DYNC1H1: variants seen among roughly 807,000 people sequenced by gnomAD.
The protein encoded by DYNC1H1 is cytoplasmic dynein 1 heavy chain 1.
Under a neutral mutation model 527.1 loss-of-function variants are expected in DYNC1H1, and 51 were observed. That is an observed-to-expected ratio of 0.10 (90% CI 0.08 to 0.12). The LOEUF (loss-of-function observed/expected upper bound fraction) is 0.12. DYNC1H1 is among the 10% of genes least tolerant of loss of function. The pLI, the probability that DYNC1H1 is intolerant of heterozygous loss-of-function variation, is 1.00. For synonymous variants in DYNC1H1, 2,189 were observed against 2,278.8 expected (o/e 0.96, Z 1.12); for missense variants, 2,771 against 5,971.8 (o/e 0.46, Z 17.66).
Position 102,001,512 on chromosome 14 carries a change from G to T in DYNC1H1, c.4396-23G>T. The T allele has an allele frequency of 4.3e-6, 7 of 1,614,152 alleles. No homozygotes were observed. The highest frequency in any genetic ancestry group is 1.1e-5 in the South Asian group (1 of 91,078). The stretch of plus-strand genomic sequence containing the variant: ...GTGAATGCCCACATATTGATAACAT[G>T]CATCTTTCTGGTTTGAATTCAGATA... On this transcript the variant is annotated intron_variant, in intron 20 of 77. Transcript: ENST00000360184. The surrounding 1 kb of genome is among the most constrained non-coding windows in gnomAD (Gnocchi z 5.0).
At chr14:101,987,067 G>C (rs904301483) in intron 8 of DYNC1H1, among the ~76,000 whole-genome samples, 16 of 152,240 alleles carry the variant, frequency 1.1e-4, no homozygotes, top group African/African-American at 3.9e-4. Flanking sequence ...GCAGGCTCTA[G>C]GTCTCAGCCA....
chr14:102,012,066 C>T lies in DYNC1H1; in HGVS notation c.6810C>T (p.Pro2270=). Residue 2270 remains proline, a synonymous_variant, in exon 33 of 78, where the codon CCC becomes CCT. Transcript: ENST00000360184. This position sits in a 1 kb window ranked among gnomAD's most constrained non-coding sequence, Gnocchi z 4.9. ...SKDHLYGTLD[P]NTREWTDGLF... is the part of the protein sequence containing the mutation. ...ACCACCTCTACGGAACCCTGGACCC[C>T]AACACCAGGGAATGGACAGATGGGC... is the stretch of plus-strand genomic sequence containing the variant. 6.2e-7 allele frequency: 1 copy of T among 1,614,144 alleles called. No individual in the cohort carries two copies. The highest frequency in any genetic ancestry group is 8.5e-7 in the Non-Finnish European group (1 of 1,180,026).
intron 77 of DYNC1H1, 47 bp from the exon 78 acceptor site, chr14:102,050,388 T>C (rs1256207082): frequency 6.2e-7 from 1 of 1,614,146 alleles, no homozygotes; most frequent in African/African-American, 1.3e-5. Context: ...TCTTCCAGTT[T>C]TCTTACTTTT....
At chr14:101,984,290 C>T (rs1482851215) in intron 7 of DYNC1H1, among the ~76,000 whole-genome samples, 1 of 151,184 alleles carries the variant, frequency 6.6e-6, no homozygotes, top group Admixed American at 6.6e-5. Context: ...GCGCCCTGCC[C>T]GTATGCATTG....
Position 102,016,156 on chromosome 14 carries a change from T to C in DYNC1H1, c.7473+70T>C, listed in dbSNP as rs2048319569. 3 of 1,540,208 alleles carry C rather than the reference T, an allele frequency of 1.9e-6. No individual in the cohort carries two copies. On this transcript the variant is annotated intron_variant, in intron 36 of 77. Coordinates refer to ENST00000360184, the MANE Select transcript of DYNC1H1 (RefSeq NM_001376.5). This position sits in a 1 kb window ranked among gnomAD's most constrained non-coding sequence, Gnocchi z 7.3. Reference sequence around the variant, plus strand: ...ACCACAGGTCTGAGGACCTCTGAAATGCTGCACCTGTGGGGATGTGCGCTC... The same window carrying C: ...ACCACAGGTCTGAGGACCTCTGAAACGCTGCACCTGTGGGGATGTGCGCTC...
rs1315518345 is a variant in DYNC1H1 at position 102,033,119 on chromosome 14, T to A, written c.10134T>A (p.Asn3378Lys). ...KKNYMSNPSY[N>K]YEIVNRASLA... is the part of the protein sequence containing the mutation. ...ATTACATGTCCAATCCAAGTTACAA[T>A]TATGAAATTGTGAATCGGGCTTCCC... Residue 3378 changes from asparagine (N) to lysine (K), a missense_variant, in exon 53 of 78, where the codon AAT becomes AAA. Physicochemically the swap from Asn to Lys is moderately conservative, Grantham distance 94. Around this residue, in one of 32 missense-constraint regions of DYNC1H1, gnomAD observed 283 missense variants for 737.6 expected, o/e 0.38. Transcript: ENST00000360184. The surrounding 1 kb of genome is among the most constrained non-coding windows in gnomAD (Gnocchi z 5.6). 1 of 1,614,088 alleles carries A rather than the reference T, an allele frequency of 6.2e-7. No individual in the cohort carries two copies. The highest frequency in any genetic ancestry group is 1.3e-5 in the African/African-American group (1 of 74,934).
intron 42 of DYNC1H1, 123 bp from the exon 43 acceptor site, chr14:102,022,628 G>T: frequency 7.4e-7 from 1 of 1,355,926 alleles, no homozygotes; most frequent in Non-Finnish European, 1.0e-6. Flanking sequence ...AGTAAAGGAA[G>T]ATGTGTGATA....
chr14:102,020,130 C>T lies in DYNC1H1; in HGVS notation c.8507+74C>T. 1.3e-6 allele frequency: 2 copies of T among 1,574,728 alleles called. No individual in the cohort carries two copies. The highest frequency in any genetic ancestry group is 2.3e-5 in the South Asian group (2 of 87,516). The stretch of plus-strand genomic sequence containing the variant: ...TTCTTACAGCTGTCGAAGCTGGGGT[C>T]TTTGCAGGGGTGGTCTGCCTAAGTT... On this transcript the variant is annotated intron_variant, in intron 42 of 77. Coordinates refer to ENST00000360184, the MANE Select transcript of DYNC1H1 (RefSeq NM_001376.5). This position sits in a 1 kb window ranked among gnomAD's most constrained non-coding sequence, Gnocchi z 4.3.
chr14:102,021,656 C>CT (rs757880988), intron 42 of DYNC1H1, among the ~76,000 whole-genome samples: 10,958 of 119,832 alleles, frequency 0.091, 640 homozygotes, highest in Non-Finnish European at 0.13. Context: ...TTTTCTTTTT[C>CT]TTTTTTTTTT....
At position 102,026,319 on chromosome 14, in the gene DYNC1H1, A is replaced by G. The variant is rs4900530; in HGVS notation, c.8638-255A>G. On this transcript the variant is annotated intron_variant, in intron 43 of 77. Coordinates refer to ENST00000360184, the MANE Select transcript of DYNC1H1 (RefSeq NM_001376.5). ...TTATAGTAGAGTGTTTTTTTCCTCCATGATCATGGTATGTCTCTTCATGTA... is the reference window on the plus strand; with the variant it reads ...TTATAGTAGAGTGTTTTTTTCCTCCGTGATCATGGTATGTCTCTTCATGTA... 0.97 allele frequency among the ~76,000 whole-genome samples: 147,063 copies of G among 152,278 alleles called. 71,044 individuals carry two copies. The highest frequency in any genetic ancestry group is 1 in the East Asian group (5,181 of 5,184).
chr14:101,968,841 C>T (rs768981434), intron 1 of DYNC1H1, among the ~76,000 whole-genome samples: 3 of 152,170 alleles, frequency 2.0e-5, no homozygotes, highest in Non-Finnish European at 2.9e-5. Context: ...GGATTACAGG[C>T]GTGCGCCATG....
At chr14:102,040,521 C>T in intron 63 of DYNC1H1, 77 bp from the exon 64 acceptor site, 1 of 1,612,068 alleles carries the variant, frequency 6.2e-7, no homozygotes, top group Non-Finnish European at 8.5e-7. Flanking sequence ...GCTCTCGCGT[C>T]AGACTCTCGC....
In DYNC1H1 at chr14:102,033,870, A is replaced by C. The variant is rs2048539421; in HGVS notation, c.10414-106A>C. ...CTGTGAACAACTTGGGCACGTTTCT[A>C]ACCCACCCAAAACCCTGCACATAAT... On this transcript the variant is annotated intron_variant, in intron 54 of 77. Coordinates refer to ENST00000360184, the MANE Select transcript of DYNC1H1 (RefSeq NM_001376.5). The surrounding 1 kb of genome is among the most constrained non-coding windows in gnomAD (Gnocchi z 5.6). 1 of 1,295,066 alleles carries C rather than the reference A, an allele frequency of 7.7e-7. No homozygotes were observed. Among genetic ancestry groups the C allele is most frequent in the Admixed American group, 1.9e-5 (1 of 52,556 alleles). The allele number at this position is 1,295,066 out of a possible 1,614,324, so 80.2% of individuals were successfully genotyped here.
Position 101,964,638 on chromosome 14 carries a change from C to G in DYNC1H1, c.-54C>G. 6.5e-7 allele frequency: 1 copy of G among 1,544,652 alleles called. No individual in the cohort carries two copies. The highest frequency in any genetic ancestry group is 8.7e-7 in the Non-Finnish European group (1 of 1,151,188). On this transcript the variant is annotated 5_prime_UTR_variant, in exon 1 of 78. Transcript: ENST00000360184. This position sits in a 1 kb window ranked among gnomAD's most constrained non-coding sequence, Gnocchi z 5.5. ...CGTTTCTGTCTCTTGCTGGCTGTCT[C>G]GCTGAGTCGCGGCCGCCTTCTCATC...
chr14:102,014,564 G>A (rs938158420), intron 34 of DYNC1H1, among the ~76,000 whole-genome samples: 1 of 151,562 alleles, frequency 6.6e-6, no homozygotes, highest in Non-Finnish European at 1.5e-5. Context: ...ACGACAGCGT[G>A]CCTGCCTGGT....
At chr14:102,046,464 G>T (rs1052398922) in intron 72 of DYNC1H1, among the ~76,000 whole-genome samples, 3 of 149,812 alleles carry the variant, frequency 2.0e-5, no homozygotes, top group African/African-American at 7.4e-5. Flanking sequence ...AAAGCCAGGC[G>T]AGCTGGGCGG....
chr14:102,000,780 G>A (rs1213698468), intron 18 of DYNC1H1, 174 bp from the exon 19 acceptor site: 7 of 635,554 alleles, frequency 1.1e-5, no homozygotes, highest in Non-Finnish European at 2.0e-5. Flanking sequence ...CTCCATATTG[G>A]TCAGGCTGGT....
At chr14:102,021,599 T>C (rs1225897120) in intron 42 of DYNC1H1, among the ~76,000 whole-genome samples, 2 of 151,776 alleles carry the variant, frequency 1.3e-5, no homozygotes, top group African/African-American at 2.4e-5. Flanking sequence ...TGCCTTGTAG[T>C]AAGTCTTACA....
Position 102,044,306 on chromosome 14 carries a change from G to A in DYNC1H1, c.12717G>A (p.Pro4239=), listed in dbSNP as rs753722628. ...AGAACATCTCACCGGATAAGATCCC[G>A]TGGTCTGCACTAAAGACCTTAATGG... ...GRQNISPDKI[P]WSALKTLMAQ... is the part of the protein sequence containing the mutation. Residue 4239 remains proline (P), a synonymous_variant, in exon 71 of 78, where the codon CCG becomes CCA. Transcript: ENST00000360184. The surrounding 1 kb of genome is among the most constrained non-coding windows in gnomAD (Gnocchi z 7.1). 9.9e-6 allele frequency: 16 copies of A among 1,614,020 alleles called. No homozygotes were observed. The highest frequency in any genetic ancestry group is 1.7e-5 in the Admixed American group (1 of 59,998).
Sources: allele counts gnomAD v4.1 joint callset (sites outside exome capture counted in the v4.1 genomes callset), GRCh38; gene constraint gnomAD v4.1.1; regional missense constraint gnomAD v4.1.1; non-coding constraint Gnocchi (gnomAD v3.1); transcripts MANE v1.5; gene names NCBI Gene and HGNC (gene_info 2026-07-23, HGNC 2026-07-21).